Variants in CYP27A1 observed in about 807,000 individuals in gnomAD.
CYP27A1 encodes sterol 26-hydroxylase, mitochondrial.
Under a neutral mutation model 58.2 loss-of-function variants are expected in CYP27A1, and 46 were observed. The observed-to-expected ratio is 0.79, with a 90% CI of 0.62 to 1.01. The LOEUF (loss-of-function observed/expected upper bound fraction) is 1.01, where lower values mean the gene tolerates loss of function less well. Among genes scored for constraint, CYP27A1 ranks in the 50% least tolerant of loss-of-function variants. CYP27A1 has a pLI of 0.00. For missense variants in CYP27A1, 704 were observed against 687.0 expected, an observed-to-expected ratio of 1.02 and a Z score of -0.28; for synonymous variants, 274 against 285.1, an observed-to-expected ratio of 0.96 and a Z score of 0.39.
At chr2:218,798,161 C>G (rs1170977141) in intron 1 of CYP27A1, among the ~76,000 whole-genome samples, 1 of 151,430 alleles carries the variant, frequency 6.6e-6, no homozygotes, top group Non-Finnish European at 1.5e-5. Flanking sequence ...CACCACCACA[C>G]TTGGCTAATT....
chr2:218,798,744 G>T (rs373276148), intron 1 of CYP27A1, among the ~76,000 whole-genome samples: 4 of 152,164 alleles, frequency 2.6e-5, no homozygotes, highest in Non-Finnish European at 4.4e-5. Context: ...TTAGCTGGAC[G>T]TGGTGGCATA....
At position 218,809,642 on chromosome 2, in the gene CYP27A1, C is replaced by A; in HGVS notation, c.321C>A (p.Asn107Lys). 2 of 1,614,132 alleles carry A rather than the reference C, an allele frequency of 1.2e-6. No individual in the cohort carries two copies. The highest frequency in any genetic ancestry group is 1.7e-6 in the Non-Finnish European group (2 of 1,180,022). Reference sequence around the variant, plus strand: ...ACTTAGGGCCTCAGATGCACGTGAACCTGGCCAGTGCCCCGCTCTTGGAGC... The same window carrying A: ...ACTTAGGGCCTCAGATGCACGTGAAACTGGCCAGTGCCCCGCTCTTGGAGC... ...MSYLGPQMHV[N>K]LASAPLLEQV... The change falls in exon 2 of 9, where the codon AAC becomes AAA. Residue 107 changes from asparagine to lysine, a missense_variant. Physicochemically the swap from Asn to Lys is moderately conservative, Grantham distance 94. Coordinates refer to ENST00000258415, the MANE Select transcript of CYP27A1 (RefSeq NM_000784.4).
chr2:218,797,337 G>A (rs879422183), intron 1 of CYP27A1, among the ~76,000 whole-genome samples: 3 of 152,096 alleles, frequency 2.0e-5, no homozygotes, highest in Non-Finnish European at 2.9e-5. Context: ...CTGATCTCAG[G>A]TGACCCACCT....
intron 1 of CYP27A1, among the ~76,000 whole-genome samples, chr2:218,806,484 G>A (rs150710089): frequency 4.1e-4 from 63 of 152,342 alleles, no homozygotes; most frequent in South Asian, 8.3e-4. Flanking sequence ...CACCACTGTC[G>A]GCTACAACAT....
chr2:218,809,464 T>TC (rs1943687711), intron 1 of CYP27A1, 113 bp from the exon 2 acceptor site: 1 of 355,386 alleles, frequency 2.8e-6, no homozygotes, highest in Non-Finnish European at 5.3e-6. Flanking sequence ...TTTTTTTTTT[T>TC]GCCCAGCTCA....
intron 1 of CYP27A1, among the ~76,000 whole-genome samples, chr2:218,791,002 A>G (rs1340891061): frequency 6.6e-6 from 1 of 151,802 alleles, no homozygotes; most frequent in Admixed American, 6.6e-5. Flanking sequence ...TGCCCAGCCA[A>G]GTTTTGTATT....
At chr2:218,787,044 G>T (rs1454056461) in intron 1 of CYP27A1, among the ~76,000 whole-genome samples, 2 of 152,080 alleles carry the variant, frequency 1.3e-5, no homozygotes, top group Non-Finnish European at 2.9e-5. Flanking sequence ...ACCCACTTTG[G>T]CCTCCCAAAG....
At position 218,806,951 on chromosome 2, in the gene CYP27A1, AT is replaced by A. The variant is rs10647379; in HGVS notation, c.256-2603del. ...ACTTTTAGGACAGGTCTCCTAGGGA[AT>A]TTTTTTTTTTTTTTTTTTTTTTGAG... is the stretch of plus-strand genomic sequence containing the variant. On this transcript the variant is annotated intron_variant, in intron 1 of 8. Coordinates refer to ENST00000258415, the MANE Select transcript of CYP27A1 (RefSeq NM_000784.4). Among the ~76,000 whole-genome samples, 596 of 100,478 alleles carry A rather than the reference AT, an allele frequency of 5.9e-3. 2 individuals are homozygous for A. Among genetic ancestry groups the A allele is most frequent in the South Asian group, 0.016 (49 of 3,060 alleles). 65.9% of individuals were successfully genotyped at this position (100,478 alleles called of 152,430 possible).
At chr2:218,797,039 C>G (rs1288034910) in intron 1 of CYP27A1, among the ~76,000 whole-genome samples, 1 of 152,204 alleles carries the variant, frequency 6.6e-6, no homozygotes, top group East Asian at 1.9e-4. Flanking sequence ...GTTAGAAACA[C>G]AGTTGACAAA....
At chr2:218,785,142 G>A (rs902371986) in intron 1 of CYP27A1, among the ~76,000 whole-genome samples, 1 of 152,230 alleles carries the variant, frequency 6.6e-6, no homozygotes, top group Non-Finnish European at 1.5e-5. Flanking sequence ...ATGGGAGACA[G>A]TGACAGATCA....
Position 218,809,635 on chromosome 2 carries a change from A to C in CYP27A1, c.314A>C (p.His105Pro), listed in dbSNP as rs1240510534. Residue 105 changes from histidine (H) to proline (P), a missense_variant, in exon 2 of 9, where the codon CAC becomes CCC. Coordinates refer to ENST00000258415, the MANE Select transcript of CYP27A1 (RefSeq NM_000784.4). ...ATGTCCTACTTAGGGCCTCAGATGCACGTGAACCTGGCCAGTGCCCCGCTC... is the reference window on the plus strand; with the variant it reads ...ATGTCCTACTTAGGGCCTCAGATGCCCGTGAACCTGGCCAGTGCCCCGCTC... Reference protein sequence around the residue: ...MWMSYLGPQMHVNLASAPLLE... With the variant: ...MWMSYLGPQMPVNLASAPLLE... The C allele has an allele frequency of 1.2e-6, 2 of 1,614,016 alleles. No homozygotes were observed. The highest frequency in any genetic ancestry group is 1.1e-5 in the South Asian group (1 of 91,096).
intron 1 of CYP27A1, among the ~76,000 whole-genome samples, chr2:218,806,811 T>C (rs1943656082): frequency 6.6e-6 from 1 of 152,110 alleles, no homozygotes; most frequent in Non-Finnish European, 1.5e-5. Context: ...GTAGTGAGGA[T>C]TGAATGAGCT....
chr2:218,814,269 G>T, intron 6 of CYP27A1, 82 bp downstream of exon 6: 1 of 1,606,788 alleles, frequency 6.2e-7, no homozygotes, highest in Non-Finnish European at 8.5e-7. Flanking sequence ...GTGAAGACAG[G>T]TGGGCTGGGG....
chr2:218,796,196 C>G (rs911378774), intron 1 of CYP27A1, among the ~76,000 whole-genome samples: 4 of 152,054 alleles, frequency 2.6e-5, no homozygotes, highest in Non-Finnish European at 4.4e-5. Flanking sequence ...GCATACCTTT[C>G]TAGTCAAAGC....
intron 2 of CYP27A1, among the ~76,000 whole-genome samples, chr2:218,811,115 C>A (rs1420198914): frequency 2.6e-5 from 4 of 152,094 alleles, no homozygotes; most frequent in Admixed American, 2.6e-4. Flanking sequence ...GGTGACAGAG[C>A]GAGACTCTGT....
chr2:218,808,950 T>C (rs762406196), intron 1 of CYP27A1, among the ~76,000 whole-genome samples: 1 of 152,118 alleles, frequency 6.6e-6, no homozygotes, highest in Non-Finnish European at 1.5e-5. Flanking sequence ...TTTTTTGTCA[T>C]GTTCTTAGAT....
rs587778796 is a variant in CYP27A1, at chr2:218,809,756, G to A, written c.435G>A (p.Gly145=). ...EHRDQHDLTY[G]PFTTEGHHWY... ...GGGACCAGCACGACCTGACCTATGGGCCGTTCACCACGTGAGCTGGGGCCT... is the reference window on the plus strand; with the variant it reads ...GGGACCAGCACGACCTGACCTATGGACCGTTCACCACGTGAGCTGGGGCCT... The change falls in exon 2 of 9, where the codon GGG becomes GGA. Residue 145 remains glycine (G), a synonymous_variant. Transcript: ENST00000258415. The A allele has an allele frequency of 4.3e-6, 7 of 1,613,284 alleles. No individual in the cohort carries two copies. Among genetic ancestry groups the A allele is most frequent in the Non-Finnish European group, 5.9e-6 (7 of 1,179,380 alleles).
rs1943687602 is a variant in CYP27A1 at position 218,809,454 on chromosome 2, T to TAC, written c.256-123_256-122insAC. 7 of 483,372 alleles carry TAC rather than the reference T, an allele frequency of 1.4e-5. 1 individual carries two copies. In the African/African-American group the frequency reaches 1.5e-4, roughly 10 times the overall value. 29.9% of individuals were successfully genotyped at this position (483,372 alleles called of 1,614,324 possible). The stretch of plus-strand genomic sequence containing the variant: ...CATACACAATGCCCTTTTTTTTTTT[T>TAC]TTTTTTTTTTGCCCAGCTCATTTGC... On this transcript the variant is annotated intron_variant, in intron 1 of 8. Transcript: ENST00000258415.
At chr2:218,812,894 G>C (rs751461287) in intron 4 of CYP27A1, 30 bp from the exon 5 acceptor site, 2 of 1,614,128 alleles carry the variant, frequency 1.2e-6, no homozygotes, top group South Asian at 1.1e-5. Flanking sequence ...TTTTGGCTTT[G>C]TCCTTTCCTC....
Sources: gnomAD v4.1 joint callset for allele counts (sites outside exome capture counted in the v4.1 genomes callset) on GRCh38, gnomAD v4.1.1 for gene constraint, MANE v1.5 for transcripts, NCBI Gene and HGNC (gene_info 2026-07-23, HGNC 2026-07-21) for gene names.